The following GAN variants were observed in gnomAD, a reference collection of about 807,000 sequenced individuals.
The protein encoded by GAN is epididymis secretory sperm binding protein.
GAN carries 48 observed loss-of-function variants against 71.3 expected under a neutral mutation model. The ratio of observed to expected loss-of-function variants is 0.67; its 90% CI spans 0.53 to 0.86. GAN has a LOEUF of 0.86. Among genes scored for constraint, GAN ranks in the 40% least tolerant of loss-of-function variants. The pLI is 0.00. For missense variants in GAN, 928 were observed against 770.1 expected, an observed-to-expected ratio of 1.21 and a Z score of -2.43; for synonymous variants, 386 against 276.8, an observed-to-expected ratio of 1.39 and a Z score of -3.92.
At chr16:81,327,437 C>T (rs1005862334) in intron 1 of GAN, among the ~76,000 whole-genome samples, 4 of 152,086 alleles carry the variant, frequency 2.6e-5, no homozygotes, top group Non-Finnish European at 2.9e-5. Flanking sequence ...GTTTTTGTTT[C>T]CCCTACTCCA....
chr16:81,342,859 A>G (rs1327908157), intron 1 of GAN, among the ~76,000 whole-genome samples: 1 of 152,238 alleles, frequency 6.6e-6, no homozygotes, highest in African/African-American at 2.4e-5. Flanking sequence ...TGAAAAGATC[A>G]GCAAAATGGT....
Position 81,315,031 on chromosome 16 carries a change from C to G in GAN, c.-83C>G. The G allele has an allele frequency of 8.4e-7, 1 of 1,193,858 alleles. No individual in the cohort carries two copies. The highest frequency in any genetic ancestry group is 1.1e-6 in the Non-Finnish European group (1 of 919,186). The allele number at this position is 1,193,858 out of a possible 1,614,324, so 74.0% of individuals were successfully genotyped here. On this transcript the variant is annotated 5_prime_UTR_variant, in exon 1 of 11. Coordinates refer to ENST00000648994, the MANE Select transcript of GAN (RefSeq NM_022041.4). ...CGCGGAGAGCCGGGCCGGGCGGGCG[C>G]GCGCGCAGGACTCGGGCCGCTCGAG...
chr16:81,361,536 T>C (rs968054553), intron 5 of GAN, among the ~76,000 whole-genome samples: 2 of 150,082 alleles, frequency 1.3e-5, no homozygotes, highest in African/African-American at 5.1e-5. Context: ...AGCTTAAACT[T>C]CTGTCTTTTT....
chr16:81,368,674 C>CT (rs78625038), intron 9 of GAN, among the ~76,000 whole-genome samples: 2,575 of 152,266 alleles, frequency 0.017, 67 homozygotes, highest in East Asian at 0.12. Flanking sequence ...AGGTCTGGTC[C>CT]TTTTTTAAAT....
At chr16:81,366,395 C>CT (rs1179204875) in intron 9 of GAN, among the ~76,000 whole-genome samples, 4 of 152,208 alleles carry the variant, frequency 2.6e-5, no homozygotes, top group Non-Finnish European at 2.9e-5. Context: ...TTCTCGATGT[C>CT]TTCTCTCTTT....
At chr16:81,324,837 T>A (rs1415236546) in intron 1 of GAN, among the ~76,000 whole-genome samples, 1 of 152,260 alleles carries the variant, frequency 6.6e-6, no homozygotes, top group Non-Finnish European at 1.5e-5. Context: ...AATGCAGTGC[T>A]GCTGGGTGTG....
Position 81,377,763 on chromosome 16 carries a change from G to A in GAN, c.*167G>A, listed in dbSNP as rs1904286993. 2.9e-6 allele frequency: 2 copies of A among 689,750 alleles called. No individual in the cohort carries two copies. The allele number at this position is 689,750 out of a possible 1,614,324, so 42.7% of individuals were successfully genotyped here. ...AAACTTGAGCTTTAGCTCTTGTTTG[G>A]GAGAACACGTAACTGTTGAAAAACT... On this transcript the variant is annotated 3_prime_UTR_variant, in exon 11 of 11. Transcript: ENST00000648994.
At chr16:81,369,954 C>T (rs759702264) in intron 9 of GAN, among the ~76,000 whole-genome samples, 37 of 152,298 alleles carry the variant, frequency 2.4e-4, no homozygotes, top group Non-Finnish European at 4.9e-4. Context: ...CTTTCCCAGA[C>T]GTAATATCCT....
intron 9 of GAN, among the ~76,000 whole-genome samples, chr16:81,374,882 C>G (rs764477039): frequency 1.3e-5 from 2 of 152,158 alleles, no homozygotes; most frequent in African/African-American, 2.4e-5. Context: ...AAAGAAAAGC[C>G]TTTAGCAAAT....
rs1904287068 is a variant in GAN, at chr16:81,377,781, G to T, written c.*185G>T. On this transcript the variant is annotated 3_prime_UTR_variant, in exon 11 of 11. Coordinates refer to ENST00000648994, the MANE Select transcript of GAN (RefSeq NM_022041.4). Reference sequence around the variant, plus strand: ...TTGTTTGGGAGAACACGTAACTGTTGAAAAACTACCTGGGAGGAGTGAGTT... The same window carrying T: ...TTGTTTGGGAGAACACGTAACTGTTTAAAAACTACCTGGGAGGAGTGAGTT... 1.6e-6 allele frequency: 1 copy of T among 632,382 alleles called. No individual in the cohort carries two copies. Among genetic ancestry groups the T allele is most frequent in the Non-Finnish European group, 2.8e-6 (1 of 354,838 alleles). The allele number at this position is 632,382 out of a possible 1,614,324, so 39.2% of individuals were successfully genotyped here.
intron 9 of GAN, among the ~76,000 whole-genome samples, chr16:81,374,566 A>G (rs1222309407): frequency 6.6e-6 from 1 of 152,234 alleles, no homozygotes. Context: ...TATTTATAGT[A>G]TATGGATTCA....
chr16:81,360,043 ATGGATGGATGGATGGATG>A (rs1413560534), intron 5 of GAN, among the ~76,000 whole-genome samples: 3 of 138,698 alleles, frequency 2.2e-5, no homozygotes, highest in Admixed American at 7.5e-5. Flanking sequence ...GGATGGATGG[ATGGATGGATGGATGGATG>A]GATGGATAGA....
At chr16:81,327,930 C>G (rs1320965385) in intron 1 of GAN, among the ~76,000 whole-genome samples, 1 of 152,170 alleles carries the variant, frequency 6.6e-6, no homozygotes, top group East Asian at 1.9e-4. Flanking sequence ...GGTTGTGGCA[C>G]GAATGCCTTC....
Position 81,389,502 on chromosome 16 carries a change from G to C in GAN, c.*11906G>C, listed in dbSNP as rs1904502510. ...CCCCTGCTCTGCCCACCTCCGCAGA[G>C]TCCTGTCCTCATCAGAAACGGTATC... On this transcript the variant is annotated 3_prime_UTR_variant, in exon 11 of 11. Transcript: ENST00000648994. 1 of 152,278 alleles carries C rather than the reference G, an allele frequency of 6.6e-6. No individual in the cohort carries two copies. Among genetic ancestry groups the C allele is most frequent in the African/African-American group, 2.4e-5 (1 of 41,448 alleles). The allele number at this position is 152,278 out of a possible 1,614,324, so 9.4% of individuals were successfully genotyped here. A position where few individuals can be genotyped will look rare whatever the true frequency, so the allele number is the denominator to read the frequency against.
chr16:81,341,435 C>A (rs1431364974), intron 1 of GAN, among the ~76,000 whole-genome samples: 1 of 152,232 alleles, frequency 6.6e-6, no homozygotes, highest in Non-Finnish European at 1.5e-5. Context: ...AACAGTGGAT[C>A]TCTCTGCAGA....
intron 5 of GAN, among the ~76,000 whole-genome samples, 180 bp downstream of exon 5, chr16:81,358,111 A>G (rs564374261): frequency 1.3e-4 from 20 of 152,250 alleles, no homozygotes; most frequent in South Asian, 6.2e-4. Context: ...GTCAGTCCTT[A>G]TTATCTCTGT....
At chr16:81,358,517 G>A (rs1910566104) in intron 5 of GAN, among the ~76,000 whole-genome samples, 1 of 151,794 alleles carries the variant, frequency 6.6e-6, no homozygotes, top group Admixed American at 6.6e-5. Flanking sequence ...GCTGAGGTGG[G>A]AGAATCTCTT....
At chr16:81,376,552 C>G (rs967307407) in intron 9 of GAN, among the ~76,000 whole-genome samples, 1 of 142,466 alleles carries the variant, frequency 7.0e-6, no homozygotes, top group Non-Finnish European at 1.5e-5. Context: ...TATATACACA[C>G]ATATACATAT....
At chr16:81,377,380 A>G (rs764577599) in intron 10 of GAN, 35 bp from the exon 11 acceptor site, 41 of 1,602,960 alleles carry the variant, frequency 2.6e-5, no homozygotes, top group Non-Finnish European at 3.5e-5. Context: ...GATTCTGGGT[A>G]CATTTTCTCA....
Sources: gnomAD v4.1 joint callset for allele counts (sites outside exome capture counted in the v4.1 genomes callset) on GRCh38, gnomAD v4.1.1 for gene constraint, MANE v1.5 for transcripts, NCBI Gene and HGNC (gene_info 2026-07-23, HGNC 2026-07-21) for gene names.